PAPPA: variants seen among roughly 807,000 people sequenced by gnomAD.
PAPPA encodes pappalysin-1.
In PAPPA, 60 loss-of-function variants were observed where a neutral mutation model predicts 164.0. That is an observed-to-expected ratio of 0.37 (90% CI 0.30 to 0.45). The LOEUF (loss-of-function observed/expected upper bound fraction) is 0.45, where lower values mean the gene tolerates loss of function less well. PAPPA is among the 20% of genes least tolerant of loss of function. PAPPA has a pLI of 1.00. For missense variants in PAPPA, 1,782 were observed against 2,087.3 expected, an observed-to-expected ratio of 0.85 and a Z score of 2.85; for synonymous variants, 875 against 814.1, an observed-to-expected ratio of 1.07 and a Z score of -1.27.
intron 21 of PAPPA, among the ~76,000 whole-genome samples, chr9:116,388,846 G>A (rs1303598755): frequency 6.6e-6 from 1 of 152,170 alleles, no homozygotes; most frequent in Non-Finnish European, 1.5e-5. Context: ...AGGGCTGGCT[G>A]CAATATTTGC....
Position 116,227,929 on chromosome 9 carries a change from G to T in PAPPA, c.2233+377G>T, listed in dbSNP as rs146499302. Reference sequence around the variant, plus strand: ...AATACAAATATTTTGGGGCTTCAAGGCATCAGTGGTCTTTGATTCTTCTTC... The same window carrying T: ...AATACAAATATTTTGGGGCTTCAAGTCATCAGTGGTCTTTGATTCTTCTTC... On this transcript the variant is annotated intron_variant, in intron 6 of 21. Coordinates refer to ENST00000328252, the MANE Select transcript of PAPPA (RefSeq NM_002581.5). Among the ~76,000 whole-genome samples the T allele has an allele frequency of 1.7e-4, 26 of 152,240 alleles. No homozygotes were observed. In the East Asian group the frequency reaches 4.3e-3, roughly 25 times the overall value.
chr9:116,195,212 A>G (rs1183512329), intron 2 of PAPPA, among the ~76,000 whole-genome samples: 1 of 152,020 alleles, frequency 6.6e-6, no homozygotes, highest in African/African-American at 2.4e-5. Flanking sequence ...ATATGGTTTG[A>G]TTTTCTCTGA....
chr9:116,207,623 A>T (rs1229529098), intron 3 of PAPPA, 22 bp downstream of exon 3: 8 of 1,603,580 alleles, frequency 5.0e-6, no homozygotes, highest in Admixed American at 1.7e-5. Flanking sequence ...AAACTCCTTC[A>T]GGAGGCAACT....
In PAPPA at chr9:116,336,240, A is replaced by G. The variant is rs577539081; in HGVS notation, c.3611+1166A>G. ...CTTGCCCTGTATACCTGGGGGCAAGAAAAAAAAAAGAGAAGAGGGGGACAC... is the reference window on the plus strand; with the variant it reads ...CTTGCCCTGTATACCTGGGGGCAAGGAAAAAAAAAGAGAAGAGGGGGACAC... On this transcript the variant is annotated intron_variant, in intron 13 of 21. Coordinates refer to ENST00000328252, the MANE Select transcript of PAPPA (RefSeq NM_002581.5). Among the ~76,000 whole-genome samples the G allele has an allele frequency of 1.6e-4, 21 of 131,428 alleles. No individual in the cohort carries two copies. In the East Asian group the frequency reaches 2.4e-3, roughly 15 times the overall value. 86.2% of individuals were successfully genotyped at this position (131,428 alleles called of 152,430 possible).
intron 10 of PAPPA, among the ~76,000 whole-genome samples, chr9:116,307,065 T>C (rs1845655813): frequency 6.6e-6 from 1 of 152,164 alleles, no homozygotes; most frequent in African/African-American, 2.4e-5. Flanking sequence ...CACAGTGAGA[T>C]GGAGTGCCTT....
intron 1 of PAPPA, among the ~76,000 whole-genome samples, chr9:116,156,200 C>T (rs10983068): frequency 0.44 from 65,960 of 149,048 alleles, 17,696 homozygotes; most frequent in Non-Finnish European, 0.61. Flanking sequence ...GAGAGGAGAG[C>T]ACAGGGTTAT....
chr9:116,177,853 C>A (rs1454925398), intron 1 of PAPPA, among the ~76,000 whole-genome samples: 2 of 152,142 alleles, frequency 1.3e-5, no homozygotes, highest in African/African-American at 4.8e-5. Flanking sequence ...ACTTCTTTGA[C>A]CCCATCCCCC....
chr9:116,370,059 G>A (rs764102268), intron 19 of PAPPA, among the ~76,000 whole-genome samples: 4 of 152,082 alleles, frequency 2.6e-5, no homozygotes, highest in Non-Finnish European at 5.9e-5. Flanking sequence ...GCCAGAGGAG[G>A]CCCTGGATAG....
Position 116,399,928 on chromosome 9 carries a change from AT to A in PAPPA, c.*3314del, listed in dbSNP as rs1847024504. 6.6e-6 allele frequency: 1 copy of A among 152,588 alleles called. No homozygotes were observed. Among genetic ancestry groups the A allele is most frequent in the Non-Finnish European group, 1.5e-5 (1 of 68,032 alleles). 9.5% of individuals were successfully genotyped at this position (152,588 alleles called of 1,614,324 possible). A position where few individuals can be genotyped will look rare whatever the true frequency, so the allele number is the denominator to read the frequency against. ...GCTTAAATACTATTTGTTGAAAATA[AT>A]TCTTTGAGACAGATTTCAGCTACCT... On this transcript the variant is annotated 3_prime_UTR_variant, in exon 22 of 22. Transcript: ENST00000328252.
At chr9:116,301,363 C>T (rs1845577325) in intron 9 of PAPPA, among the ~76,000 whole-genome samples, 2 of 152,198 alleles carry the variant, frequency 1.3e-5, no homozygotes, top group African/African-American at 2.4e-5. Context: ...GACTTAATAG[C>T]AGCACAGTGT....
At chr9:116,161,808 A>G (rs929181388) in intron 1 of PAPPA, among the ~76,000 whole-genome samples, 4 of 152,132 alleles carry the variant, frequency 2.6e-5, no homozygotes, top group Non-Finnish European at 5.9e-5. Flanking sequence ...GAGCTTTAAT[A>G]CATTTTTGTT....
At chr9:116,295,985 G>T (rs1044434508) in intron 9 of PAPPA, among the ~76,000 whole-genome samples, 2 of 152,180 alleles carry the variant, frequency 1.3e-5, no homozygotes, top group African/African-American at 4.8e-5. Context: ...TTTAGCTGGG[G>T]ATTGCAATAG....
intron 19 of PAPPA, among the ~76,000 whole-genome samples, chr9:116,372,060 A>G (rs1178209544): frequency 2.0e-5 from 3 of 152,064 alleles, no homozygotes; most frequent in African/African-American, 7.2e-5. Context: ...TGTGTCCTAA[A>G]CCTTCTTTTT....
In PAPPA at chr9:116,271,522, C is replaced by G; in HGVS notation, c.2953+106C>G. The G allele has an allele frequency of 1.2e-6, 1 of 817,318 alleles. No individual in the cohort carries two copies. Among genetic ancestry groups the G allele is most frequent in the Non-Finnish European group, 2.1e-6 (1 of 474,020 alleles). The allele number at this position is 817,318 out of a possible 1,614,324, so 50.6% of individuals were successfully genotyped here. A position where few individuals can be genotyped will look rare whatever the true frequency, so the allele number is the denominator to read the frequency against. Reference sequence around the variant, plus strand: ...GTTATGACTAAATGATGATTCACTCCTTTGTATTACACCTGTTTATTGAGT... The same window carrying G: ...GTTATGACTAAATGATGATTCACTCGTTTGTATTACACCTGTTTATTGAGT... On this transcript the variant is annotated intron_variant, in intron 9 of 21. Coordinates refer to ENST00000328252, the MANE Select transcript of PAPPA (RefSeq NM_002581.5). This position sits in a 1 kb window ranked among gnomAD's most constrained non-coding sequence, Gnocchi z 4.2.
chr9:116,349,384 G>A (rs1009580724), intron 15 of PAPPA, among the ~76,000 whole-genome samples: 3 of 152,184 alleles, frequency 2.0e-5, no homozygotes, highest in Non-Finnish European at 2.9e-5. Context: ...AATGGATACC[G>A]AGGACCTACT....
chr9:116,297,974 A>T (rs1845529995), intron 9 of PAPPA, among the ~76,000 whole-genome samples: 1 of 152,208 alleles, frequency 6.6e-6, no homozygotes, highest in Non-Finnish European at 1.5e-5. Context: ...GTGAAATACC[A>T]TGTCCAAGAT....
At chr9:116,363,417 T>G (rs1846455873) in intron 18 of PAPPA, among the ~76,000 whole-genome samples, 1 of 152,126 alleles carries the variant, frequency 6.6e-6, no homozygotes, top group South Asian at 2.1e-4. Flanking sequence ...ACTCTTTGCA[T>G]GGTGACAGGC....
intron 9 of PAPPA, among the ~76,000 whole-genome samples, chr9:116,276,279 A>G (rs4837525): frequency 0.57 from 86,003 of 152,120 alleles, 25,586 homozygotes; most frequent in Admixed American, 0.69. Flanking sequence ...AGGGTCCCCA[A>G]AAGGGGTTAT....
intron 1 of PAPPA, among the ~76,000 whole-genome samples, chr9:116,177,838 A>C (rs1423306769): frequency 1.3e-5 from 2 of 152,162 alleles, no homozygotes. Context: ...ATATTGTTAT[A>C]GTGTACTTCT....
Sources: gnomAD v4.1 joint callset for allele counts (sites outside exome capture counted in the v4.1 genomes callset) on GRCh38, gnomAD v4.1.1 for gene constraint, Gnocchi (gnomAD v3.1) non-coding constraint, MANE v1.5 for transcripts, NCBI Gene and HGNC (gene_info 2026-07-23, HGNC 2026-07-21) for gene names.